The following GNA14 variants were observed in gnomAD, a reference collection of about 807,000 sequenced individuals.
GNA14 encodes G protein subunit alpha 14.
GNA14 carries 50 observed loss-of-function variants against 42.0 expected under a neutral mutation model. The observed-to-expected ratio is 1.19, with a 90% CI of 0.95 to 1.51. GNA14 has a LOEUF of 1.51. GNA14 is among the 40% of genes most tolerant of loss of function. The probability of loss-of-function intolerance (pLI) is 0.00; values close to 1 mark genes in which losing one functional copy is unlikely to be tolerated. For synonymous variants in GNA14, 173 were observed against 163.1 expected (o/e 1.06, Z -0.46); for missense variants, 473 against 446.2 (o/e 1.06, Z -0.54).
intron 2 of GNA14, among the ~76,000 whole-genome samples, chr9:77,478,234 G>A (rs1365272628): frequency 6.7e-6 from 1 of 148,674 alleles, no homozygotes; most frequent in Non-Finnish European, 1.5e-5. Context: ...GTGTCCATGT[G>A]TTCGCATTGT....
chr9:77,623,395 GTTGAATTT>G (rs1432125098), intron 1 of GNA14, among the ~76,000 whole-genome samples: 2 of 151,970 alleles, frequency 1.3e-5, no homozygotes, highest in African/African-American at 4.8e-5. Context: ...TCCTAATTGG[GTTGAATTT>G]TTGTAAGCCC....
intron 1 of GNA14, among the ~76,000 whole-genome samples, chr9:77,592,082 T>C (rs1310424126): frequency 6.6e-6 from 1 of 151,870 alleles, no homozygotes; most frequent in Non-Finnish European, 1.5e-5. Context: ...GCTCGGCTAA[T>C]TTTTTGTATT....
chr9:77,516,629 G>A (rs1837263011), intron 2 of GNA14, among the ~76,000 whole-genome samples: 1 of 152,044 alleles, frequency 6.6e-6, no homozygotes, highest in Admixed American at 6.6e-5. Context: ...GGGAAGCTAA[G>A]GTGGGAGAAT....
In GNA14 at chr9:77,625,665, C is replaced by T. The variant is rs527425517; in HGVS notation, c.124+22005G>A. 2.0e-5 allele frequency among the ~76,000 whole-genome samples: 3 copies of T among 152,260 alleles called. No individual in the cohort carries two copies. In the South Asian group the frequency reaches 6.2e-4, roughly 32 times the overall value. On this transcript the variant is annotated intron_variant, in intron 1 of 6. Coordinates refer to ENST00000341700, the MANE Select transcript of GNA14 (RefSeq NM_004297.4). ...TCATAAGCAAAGGAGAAATAAAATC[C>T]TTTACAGACAAGCAAATGCTGAGAG...
chr9:77,551,649 T>C (rs1046786994), intron 1 of GNA14, among the ~76,000 whole-genome samples: 13 of 151,654 alleles, frequency 8.6e-5, no homozygotes, highest in African/African-American at 3.2e-4. Context: ...GGAAGAAATA[T>C]AGTGAAAAAT....
chr9:77,549,632 T>A (rs146455681), intron 1 of GNA14, among the ~76,000 whole-genome samples: 1 of 152,178 alleles, frequency 6.6e-6, no homozygotes, highest in African/African-American at 2.4e-5. Flanking sequence ...AGAACAGACA[T>A]TCAAATGCTT....
intron 2 of GNA14, among the ~76,000 whole-genome samples, chr9:77,519,631 G>A (rs1216318021): frequency 1.3e-5 from 2 of 152,116 alleles, no homozygotes; most frequent in Admixed American, 6.5e-5. Context: ...TGAAATAAGA[G>A]ACACTGGAGA....
At chr9:77,532,177 G>A (rs560213501) in intron 1 of GNA14, among the ~76,000 whole-genome samples, 3 of 152,126 alleles carry the variant, frequency 2.0e-5, no homozygotes, top group South Asian at 2.1e-4. Context: ...GTTGTCCAAG[G>A]TCACTCAGTT....
intron 5 of GNA14, among the ~76,000 whole-genome samples, chr9:77,426,216 C>G (rs12352830): frequency 0.26 from 39,222 of 151,826 alleles, 5,554 homozygotes; most frequent in African/African-American, 0.38. Context: ...AGAGACAGGA[C>G]GCACTGCTAC....
At chr9:77,451,159 A>G (rs768927274) in intron 2 of GNA14, among the ~76,000 whole-genome samples, 9 of 152,086 alleles carry the variant, frequency 5.9e-5, no homozygotes, top group Non-Finnish European at 8.8e-5. Flanking sequence ...CTTCAAGAGG[A>G]CTCAAGATAT....
chr9:77,445,663 A>G (rs7024000), intron 2 of GNA14, among the ~76,000 whole-genome samples: 24,956 of 151,880 alleles, frequency 0.16, 2,263 homozygotes, highest in East Asian at 0.36. Flanking sequence ...GATCACTTGA[A>G]CCTAGGAGTC....
intron 1 of GNA14, among the ~76,000 whole-genome samples, chr9:77,574,131 C>T (rs886074542): frequency 2.0e-5 from 3 of 152,080 alleles, no homozygotes; most frequent in African/African-American, 7.2e-5. Context: ...ATAGCAAGAG[C>T]CTGTCTCTAA....
chr9:77,448,189 T>G (rs2131701758), intron 2 of GNA14, among the ~76,000 whole-genome samples: 1 of 152,336 alleles, frequency 6.6e-6, no homozygotes, highest in South Asian at 2.1e-4. Context: ...ACCAGTATGG[T>G]CCACCAAGGC....
At chr9:77,523,301 G>C (rs1300016994) in intron 2 of GNA14, among the ~76,000 whole-genome samples, 1 of 152,178 alleles carries the variant, frequency 6.6e-6, no homozygotes, top group Non-Finnish European at 1.5e-5. Flanking sequence ...TTCTGGGGAG[G>C]CCTCAGGAAA....
In GNA14 at chr9:77,428,897, C is replaced by G; in HGVS notation, c.723+10G>C. On this transcript the variant is annotated intron_variant, in intron 5 of 6. Coordinates refer to ENST00000341700, the MANE Select transcript of GNA14 (RefSeq NM_004297.4). ...CTTCCACAGCTACCCAAACTTCCCG[C>G]CCAGCATACCTCGTTGTCACACTCA... is the stretch of plus-strand genomic sequence containing the variant. The G allele has an allele frequency of 6.2e-7, 1 of 1,612,426 alleles. No individual in the cohort carries two copies. The highest frequency in any genetic ancestry group is 8.5e-7 in the Non-Finnish European group (1 of 1,179,210).
chr9:77,472,890 C>A (rs575154226), intron 2 of GNA14, among the ~76,000 whole-genome samples: 1 of 151,856 alleles, frequency 6.6e-6, no homozygotes, highest in Non-Finnish European at 1.5e-5. Flanking sequence ...TCACTAAGAA[C>A]AGAATCTTCT....
rs117030118 is a variant in GNA14 at position 77,439,890 on chromosome 9, T to C, written c.310-5368A>G. ...AGGGTTAGGGGAGATGTGACTTGGG[T>C]GGGGCATGTGCTGAGTCTGAGGTGG... On this transcript the variant is annotated intron_variant, in intron 2 of 6. Transcript: ENST00000341700. Among the ~76,000 whole-genome samples, 1,904 of 152,084 alleles carry C rather than the reference T, an allele frequency of 0.013. 96 individuals are homozygous for C. The East Asian group carries it at 0.19, about 15-fold the overall frequency.
At chr9:77,622,669 G>C (rs148714107) in intron 1 of GNA14, among the ~76,000 whole-genome samples, 1 of 148,022 alleles carries the variant, frequency 6.8e-6, no homozygotes, top group African/African-American at 2.5e-5. Context: ...GGCAGATCAC[G>C]AAGTCAGGAG....
At chr9:77,601,539 T>C (rs1823564570) in intron 1 of GNA14, among the ~76,000 whole-genome samples, 1 of 152,256 alleles carries the variant, frequency 6.6e-6, no homozygotes, top group Admixed American at 6.5e-5. Flanking sequence ...ATAGAAATTC[T>C]ATTCTTTCTA....
Sources: allele counts gnomAD v4.1 joint callset (sites outside exome capture counted in the v4.1 genomes callset), GRCh38; gene constraint gnomAD v4.1.1; transcripts MANE v1.5; gene names NCBI Gene and HGNC (gene_info 2026-07-23, HGNC 2026-07-21).